CDH12: variants seen among roughly 807,000 people sequenced by gnomAD.
CDH12 encodes cadherin-12.
Under a neutral mutation model 74.1 loss-of-function variants are expected in CDH12, and 41 were observed. The observed-to-expected ratio is 0.55, with a 90% confidence interval of 0.43 to 0.72. The LOEUF (loss-of-function observed/expected upper bound fraction) is 0.72, where lower values mean the gene tolerates loss of function less well. CDH12 is among the 30% of genes least tolerant of loss of function. The probability of loss-of-function intolerance (pLI) is 0.00; values close to 1 mark genes in which losing one functional copy is unlikely to be tolerated. For missense variants in CDH12, 945 were observed against 977.2 expected (o/e 0.97, Z 0.44); for synonymous variants, 399 against 355.0 (o/e 1.12, Z -1.39).
chr5:22,274,164 A>T (rs900940026), intron 3 of CDH12, among the ~76,000 whole-genome samples: 10 of 152,072 alleles, frequency 6.6e-5, no homozygotes, highest in African/African-American at 2.4e-4. Context: ...ATTCAGTTAT[A>T]ATATTCTAAG....
At chr5:21,992,722 A>G (rs545729831) in intron 5 of CDH12, among the ~76,000 whole-genome samples, 48 of 152,266 alleles carry the variant, frequency 3.2e-4, no homozygotes, top group Middle Eastern at 3.4e-3. Flanking sequence ...TTATTAAGGT[A>G]AGTTACAGAC....
intron 11 of CDH12, among the ~76,000 whole-genome samples, chr5:21,773,869 A>G (rs1745454275): frequency 6.6e-6 from 1 of 152,096 alleles, no homozygotes; most frequent in Non-Finnish European, 1.5e-5. Flanking sequence ...TCAGCATTTA[A>G]ATGTTGTTAA....
At chr5:22,795,838 GTGAAT>G (rs1237815917) in intron 1 of CDH12, among the ~76,000 whole-genome samples, 1 of 151,942 alleles carries the variant, frequency 6.6e-6, no homozygotes, top group Non-Finnish European at 1.5e-5. Context: ...AGTGAGAAGT[GTGAAT>G]TATCTGAGGA....
intron 4 of CDH12, among the ~76,000 whole-genome samples, chr5:22,199,832 G>T (rs1244873664): frequency 6.6e-6 from 1 of 152,110 alleles, no homozygotes; most frequent in Admixed American, 6.6e-5. Flanking sequence ...GCCTTTAGGG[G>T]CACTGACAAA....
intron 1 of CDH12, among the ~76,000 whole-genome samples, chr5:22,704,050 G>A (rs1561589594): frequency 6.6e-6 from 1 of 152,046 alleles, no homozygotes. Context: ...TTTTTGGGGG[G>A]TTCCATGTGC....
intron 1 of CDH12, among the ~76,000 whole-genome samples, chr5:22,581,344 T>A (rs1172121030): frequency 1.3e-5 from 2 of 152,216 alleles, no homozygotes; most frequent in Non-Finnish European, 2.9e-5. Flanking sequence ...GGGCTGTGGC[T>A]TCAGACAGTG....
chr5:22,007,071 T>G (rs954932246), intron 5 of CDH12, among the ~76,000 whole-genome samples: 19 of 152,248 alleles, frequency 1.2e-4, no homozygotes, highest in Middle Eastern at 3.4e-3. Context: ...ACCAGTTGCA[T>G]TCAAGTCACT....
chr5:22,267,576 C>G (rs2150398005), intron 3 of CDH12, among the ~76,000 whole-genome samples: 1 of 152,178 alleles, frequency 6.6e-6, no homozygotes, highest in East Asian at 1.9e-4. Context: ...GTATGTACTT[C>G]TGGAAAGTCC....
chr5:21,773,351 A>G (rs1745424377), intron 11 of CDH12, among the ~76,000 whole-genome samples: 1 of 152,176 alleles, frequency 6.6e-6, no homozygotes, highest in East Asian at 1.9e-4. Context: ...CCCTCAATTC[A>G]GGTGGGCCTC....
At chr5:22,069,822 T>A (rs1218970567) in intron 5 of CDH12, among the ~76,000 whole-genome samples, 1 of 152,152 alleles carries the variant, frequency 6.6e-6, no homozygotes, top group Non-Finnish European at 1.5e-5. Flanking sequence ...TACCTTGCCC[T>A]GTGATTAAAG....
intron 3 of CDH12, among the ~76,000 whole-genome samples, chr5:22,324,325 C>A (rs990589713): frequency 6.6e-6 from 1 of 152,038 alleles, no homozygotes; most frequent in South Asian, 2.1e-4. Context: ...ATGTATAAAT[C>A]ATTATCATTT....
Position 22,546,832 on chromosome 5 carries a change from A to C in CDH12, c.-522-41468T>G, listed in dbSNP as rs117106132. Among the ~76,000 whole-genome samples, 625 of 152,290 alleles carry C rather than the reference A, an allele frequency of 4.1e-3. 9 individuals are homozygous for C. The East Asian group carries it at 0.053, about 13-fold the overall frequency. On this transcript the variant is annotated intron_variant, in intron 1 of 14. Transcript: ENST00000382254. ...TTTATTTTCTAGGGCCCCATTTAAA[A>C]TCTTAACGCCTACATATTTTTCAGT...
At chr5:22,801,023 C>G (rs780184) in intron 1 of CDH12, among the ~76,000 whole-genome samples, 152,299 of 152,300 alleles carry the variant, frequency 1, 76,149 homozygotes, top group Non-Finnish European at 1. Context: ...GCTGCTCGTT[C>G]TGTGAACATA....
rs984781848 is a variant in CDH12, at chr5:22,327,200, G to A, written c.-333+78057C>T. 4.6e-5 allele frequency among the ~76,000 whole-genome samples: 7 copies of A among 152,136 alleles called. No homozygotes were observed. In the South Asian group the frequency reaches 8.3e-4, roughly 18 times the overall value. On this transcript the variant is annotated intron_variant, in intron 3 of 14. Coordinates refer to ENST00000382254, the MANE Select transcript of CDH12 (RefSeq NM_004061.5). ...GTCAGGTGGCTTTGTCCCCACACTC[G>A]AGGACTCCTGGGAAATGAAAGGTCA...
intron 2 of CDH12, among the ~76,000 whole-genome samples, chr5:22,436,923 G>A (rs896929636): frequency 3.3e-5 from 5 of 151,940 alleles, no homozygotes; most frequent in South Asian, 2.1e-4. Context: ...ACAACTACAA[G>A]TACAAATACA....
chr5:22,810,934 CACATATATACTTACATATAT>C (rs555876610), intron 1 of CDH12, among the ~76,000 whole-genome samples: 1,615 of 150,086 alleles, frequency 0.011, 16 homozygotes, highest in Non-Finnish European at 0.013. Flanking sequence ...TGTGTGTATA[CACATATATACTTACATATAT>C]ACATATATAC....
At chr5:22,217,934 C>T (rs1263700356) in intron 3 of CDH12, among the ~76,000 whole-genome samples, 1 of 151,442 alleles carries the variant, frequency 6.6e-6, no homozygotes, top group African/African-American at 2.4e-5. Context: ...AATGAATTTC[C>T]TGTTCACTAA....
chr5:22,284,253 ACT>A (rs914304383), intron 3 of CDH12, among the ~76,000 whole-genome samples: 1 of 152,124 alleles, frequency 6.6e-6, no homozygotes, highest in African/African-American at 2.4e-5. Context: ...GTATTTATTA[ACT>A]GCTGTATAAA....
chr5:22,783,227 T>C (rs1215863338), intron 1 of CDH12, among the ~76,000 whole-genome samples: 1 of 152,188 alleles, frequency 6.6e-6, no homozygotes, highest in Non-Finnish European at 1.5e-5. Context: ...ACTTTAAATG[T>C]TGTATCAGTA....
Sources: gnomAD v4.1 joint callset for allele counts (sites outside exome capture counted in the v4.1 genomes callset) on GRCh38, gnomAD v4.1.1 for gene constraint, MANE v1.5 for transcripts, NCBI Gene and HGNC (gene_info 2026-07-23, HGNC 2026-07-21) for gene names.